The following PCNT variants were observed in gnomAD, a reference collection of about 807,000 sequenced individuals.
PCNT encodes kendrin.
Under a neutral mutation model 380.4 loss-of-function variants are expected in PCNT, and 319 were observed. The ratio of observed to expected loss-of-function variants is 0.84; its 90% CI spans 0.77 to 0.92. The LOEUF (loss-of-function observed/expected upper bound fraction) is 0.92, where lower values mean the gene tolerates loss of function less well. PCNT is among the 40% of genes least tolerant of loss of function. PCNT has a pLI of 0.00. For missense variants in PCNT, 4,400 were observed against 4,255.3 expected (o/e 1.03, Z -0.95); for synonymous variants, 1,845 against 1,735.2 (o/e 1.06, Z -1.57).
chr21:46,439,907 C>T (rs75757475), intron 41 of PCNT, among the ~76,000 whole-genome samples, 176 bp from the exon 42 acceptor site: 5 of 152,314 alleles, frequency 3.3e-5, no homozygotes, highest in East Asian at 1.9e-4. Flanking sequence ...GATCACAGCA[C>T]GGCGTAACCT....
At chr21:46,373,729 CT>C (rs57604484) in intron 15 of PCNT, among the ~76,000 whole-genome samples, 10,260 of 62,926 alleles carry the variant, frequency 0.16, 247 homozygotes, top group African/African-American at 0.28. Context: ...CCAGCCTTAG[CT>C]TTTTTTTTTT....
chr21:46,345,229 T>G (rs1444213188), intron 3 of PCNT, among the ~76,000 whole-genome samples: 4 of 152,116 alleles, frequency 2.6e-5, no homozygotes, highest in Non-Finnish European at 5.9e-5. Flanking sequence ...TGTTTATTTA[T>G]TTTTTTGAGG....
rs576302054 is a variant in PCNT at position 46,388,001 on chromosome 21, G to A, written c.3465-741G>A. On this transcript the variant is annotated intron_variant, in intron 17 of 46. Transcript: ENST00000359568. This position sits in a 1 kb window ranked among gnomAD's most constrained non-coding sequence, Gnocchi z 4.2. ...TGAGGCGGGTGGATCATGAGGTCAG[G>A]AGATCGAGACCATCCTGGCTAACAT... Among the ~76,000 whole-genome samples, 123 of 152,214 alleles carry A rather than the reference G, an allele frequency of 8.1e-4. No homozygotes were observed. Among genetic ancestry groups the A allele is most frequent in the African/African-American group, 2.5e-3 (104 of 41,534 alleles).
intron 15 of PCNT, among the ~76,000 whole-genome samples, chr21:46,380,680 A>G (rs1410476492): frequency 1.3e-5 from 2 of 152,198 alleles, no homozygotes; most frequent in East Asian, 3.9e-4. Context: ...GTTCTTATGG[A>G]CACTCAGCCT....
intron 18 of PCNT, 68 bp from the exon 19 acceptor site, chr21:46,389,131 C>G: frequency 6.7e-7 from 1 of 1,500,088 alleles, no homozygotes; most frequent in Non-Finnish European, 9.2e-7. Flanking sequence ...TCCTTGTCGT[C>G]TTGGCTGCCA....
At chr21:46,367,292 G>A (rs1463177048) in intron 15 of PCNT, among the ~76,000 whole-genome samples, 153 bp downstream of exon 15, 1 of 150,556 alleles carries the variant, frequency 6.6e-6, no homozygotes, top group African/African-American at 2.4e-5. Context: ...GGGACTTCTG[G>A]TCTCTTTGTG....
chr21:46,328,345 C>T (rs1435781902), intron 2 of PCNT, among the ~76,000 whole-genome samples: 1 of 151,856 alleles, frequency 6.6e-6, no homozygotes, highest in Non-Finnish European at 1.5e-5. Context: ...TCAGTGCAAC[C>T]TCTGCCTCCC....
In PCNT at chr21:46,357,755, CTG is replaced by C. The variant is rs1382655094; in HGVS notation, c.2154+566_2154+567del. ...TCTGAGTCAAGATTTCTTAGGGAAACTGTCCAGGTGTCCTAAGAGGGCTCTGG... is the reference window on the plus strand; with the variant it reads ...TCTGAGTCAAGATTTCTTAGGGAAACTCCAGGTGTCCTAAGAGGGCTCTGG... On this transcript the variant is annotated intron_variant, in intron 13 of 46. Coordinates refer to ENST00000359568, the MANE Select transcript of PCNT (RefSeq NM_006031.6). Among the ~76,000 whole-genome samples, 23 of 152,326 alleles carry C rather than the reference CTG, an allele frequency of 1.5e-4. No homozygotes were observed. The East Asian group carries it at 4.3e-3, about 28-fold the overall frequency.
At chr21:46,443,338 C>T (rs1426027438) in intron 44 of PCNT, among the ~76,000 whole-genome samples, 4 of 152,246 alleles carry the variant, frequency 2.6e-5, no homozygotes, top group African/African-American at 9.6e-5. Flanking sequence ...CTGTGTCAGC[C>T]TCCCCAGTAC....
intron 32 of PCNT, among the ~76,000 whole-genome samples, chr21:46,423,192 T>C (rs2087329318): frequency 1.3e-5 from 2 of 151,988 alleles, no homozygotes; most frequent in Admixed American, 1.3e-4. Flanking sequence ...TTTTATATCT[T>C]CTTTGCATTT....
intron 2 of PCNT, among the ~76,000 whole-genome samples, chr21:46,330,673 G>A (rs1215891055): frequency 6.6e-6 from 1 of 152,156 alleles, no homozygotes; most frequent in South Asian, 2.1e-4. Context: ...TGATATTTGA[G>A]TTTAGTATGC....
chr21:46,410,748 G>A (rs1466119633), intron 27 of PCNT, among the ~76,000 whole-genome samples: 1 of 152,220 alleles, frequency 6.6e-6, no homozygotes, highest in Admixed American at 6.5e-5. Flanking sequence ...GGGATGGAAG[G>A]GGAGCGTGCC....
chr21:46,442,573 G>A lies in PCNT; in HGVS notation c.9700G>A (p.Gly3234Arg). Residue 3234 changes from glycine (G) to arginine (R), a missense_variant and splice_region_variant, in exon 44 of 47, where the codon GGG (glycine) becomes AGG (arginine). Coordinates refer to ENST00000359568, the MANE Select transcript of PCNT (RefSeq NM_006031.6). ...ALAQGKAPRP[G>R]PRARQPQSPP... ...GGCACAAGGCAAAGCCCCTCGCCCA[G>A]GTGGGACTCCAGCTGCTGTTGACCG... 1 of 1,595,006 alleles carries A rather than the reference G, an allele frequency of 6.3e-7. No homozygotes were observed. The highest frequency in any genetic ancestry group is 8.6e-7 in the Non-Finnish European group (1 of 1,162,738).
intron 32 of PCNT, among the ~76,000 whole-genome samples, chr21:46,423,946 C>G (rs1944350466): frequency 6.6e-6 from 1 of 152,132 alleles, no homozygotes; most frequent in African/African-American, 2.4e-5. Flanking sequence ...TCATGGATGT[C>G]TCAGACTGTT....
In PCNT at chr21:46,445,593, G is replaced by C. The variant is rs944541476; in HGVS notation, c.*266G>C. 9 of 518,294 alleles carry C rather than the reference G, an allele frequency of 1.7e-5. 1 individual carries two copies. In the East Asian group the frequency reaches 3.0e-4, roughly 17 times the overall value. The allele number at this position is 518,294 out of a possible 1,614,324, so 32.1% of individuals were successfully genotyped here. ...TCACTCCCATGAGCCCTGGCTGTGT[G>C]CTGTTGTGTGCCTATCGGCAGATCC... On this transcript the variant is annotated 3_prime_UTR_variant, in exon 47 of 47. Transcript: ENST00000359568.
chr21:46,418,677 C>T (rs1458740136), intron 31 of PCNT, among the ~76,000 whole-genome samples: 1 of 152,268 alleles, frequency 6.6e-6, no homozygotes, highest in East Asian at 1.9e-4. Flanking sequence ...AGGATGGAGA[C>T]TGGGGCGGTG....
intron 21 of PCNT, among the ~76,000 whole-genome samples, chr21:46,392,211 T>C (rs944688727): frequency 3.9e-5 from 6 of 152,098 alleles, no homozygotes; most frequent in Non-Finnish European, 8.8e-5. Context: ...CTTGTTCCTA[T>C]GGTTTTGTTT....
chr21:46,426,096 T>TTTTGG (rs71187317), intron 33 of PCNT, 125 bp downstream of exon 33: 1 of 887,380 alleles, frequency 1.1e-6, no homozygotes, highest in Non-Finnish European at 1.6e-6. Context: ...TTTTTTTTTT[T>TTTTGG]GAGACTCGGC....
At chr21:46,396,426 C>T (rs972273803) in intron 21 of PCNT, among the ~76,000 whole-genome samples, 1 of 152,098 alleles carries the variant, frequency 6.6e-6, no homozygotes, top group East Asian at 1.9e-4. Context: ...GCAGAAGGGC[C>T]GAGTGGGAGG....
Sources: allele counts gnomAD v4.1 joint callset (sites outside exome capture counted in the v4.1 genomes callset), GRCh38; gene constraint gnomAD v4.1.1; non-coding constraint Gnocchi (gnomAD v3.1); transcripts MANE v1.5; gene names NCBI Gene and HGNC (gene_info 2026-07-23, HGNC 2026-07-21).